Variants in CDKAL1 observed in about 807,000 individuals in gnomAD.
The protein encoded by CDKAL1 is CDKAL1 threonylcarbamoyladenosine tRNA methylthiotransferase.
CDKAL1 carries 32 observed loss-of-function variants against 68.2 expected under a neutral mutation model. The observed-to-expected ratio is 0.47, with a 90% CI of 0.35 to 0.63. CDKAL1 has a LOEUF of 0.63. Ranked by LOEUF, CDKAL1 falls within the 30% of genes least tolerant of loss-of-function variation. The probability of loss-of-function intolerance (pLI) is 0.00; values close to 1 mark genes in which losing one functional copy is unlikely to be tolerated. For synonymous variants in CDKAL1, 234 were observed against 244.3 expected (o/e 0.96, Z 0.39); for missense variants, 606 against 696.7 (o/e 0.87, Z 1.47).
At chr6:20,887,857 C>T (rs1761163783) in intron 9 of CDKAL1, among the ~76,000 whole-genome samples, 1 of 150,816 alleles carries the variant, frequency 6.6e-6, no homozygotes, top group Non-Finnish European at 1.5e-5. Context: ...GATCATAGCT[C>T]ACTGCAGCCT....
intron 13 of CDKAL1, among the ~76,000 whole-genome samples, chr6:21,167,128 G>T (rs749383796): frequency 6.6e-6 from 1 of 152,198 alleles, no homozygotes; most frequent in Admixed American, 6.5e-5. Flanking sequence ...TGGCTTGCCT[G>T]TTTGTACATC....
intron 14 of CDKAL1, among the ~76,000 whole-genome samples, chr6:21,198,421 A>C (rs904142998): frequency 6.6e-6 from 1 of 152,156 alleles, no homozygotes; most frequent in African/African-American, 2.4e-5. Flanking sequence ...CAGGGGGGAA[A>C]GTCCTGCTCA....
intron 13 of CDKAL1, among the ~76,000 whole-genome samples, chr6:21,171,264 G>C (rs1276792332): frequency 3.9e-5 from 6 of 152,060 alleles, no homozygotes; most frequent in African/African-American, 1.5e-4. Context: ...CCAGGCTGAA[G>C]TGCAGTGGTA....
chr6:21,205,830 C>CTTTTTTT lies in CDKAL1; in HGVS notation c.1548+4572_1548+4578dup, dbSNP rs34849597. Among the ~76,000 whole-genome samples the CTTTTTTT allele has an allele frequency of 6.0e-5, 4 of 66,610 alleles. 1 individual carries two copies. The highest frequency in any genetic ancestry group is 2.6e-4 in the African/African-American group (3 of 11,482). 43.7% of individuals were successfully genotyped at this position (66,610 alleles called of 152,430 possible). A position where few individuals can be genotyped will look rare whatever the true frequency, so the allele number is the denominator to read the frequency against. On this transcript the variant is annotated intron_variant, in intron 15 of 15. Coordinates refer to ENST00000274695, the MANE Select transcript of CDKAL1 (RefSeq NM_017774.3). ...ACATGCGTGAGCCCCCGCGCCCAGC[C>CTTTTTTT]TTTTTTTTTTTTTTTTTTTTTTGAG...
chr6:21,091,947 C>T (rs1464374677), intron 12 of CDKAL1, among the ~76,000 whole-genome samples: 18 of 138,670 alleles, frequency 1.3e-4, no homozygotes, highest in Admixed American at 7.6e-5. Flanking sequence ...AGTGCAGTGG[C>T]GTGATCTCGG....
In CDKAL1 at chr6:20,992,369, C is replaced by T. The variant is rs577846341; in HGVS notation, c.910-7858C>T. Among the ~76,000 whole-genome samples, 33 of 151,958 alleles carry T rather than the reference C, an allele frequency of 2.2e-4. 1 individual carries two copies. In the South Asian group the frequency reaches 6.7e-3, roughly 31 times the overall value. On this transcript the variant is annotated intron_variant, in intron 10 of 15. Coordinates refer to ENST00000274695, the MANE Select transcript of CDKAL1 (RefSeq NM_017774.3). Reference sequence around the variant, plus strand: ...AGTGTGAGCCACTTTATCCAGCCCACTTTTCTCCCATTTTTTGTCTCTGTT... The same window carrying T: ...AGTGTGAGCCACTTTATCCAGCCCATTTTTCTCCCATTTTTTGTCTCTGTT...
intron 8 of CDKAL1, among the ~76,000 whole-genome samples, chr6:20,812,600 GT>G (rs1286449690): frequency 6.6e-6 from 1 of 152,156 alleles, no homozygotes; most frequent in Non-Finnish European, 1.5e-5. Context: ...TTAGCTTGCA[GT>G]TTCTAGAGTT....
chr6:20,684,086 A>G (rs1312099984), intron 5 of CDKAL1, among the ~76,000 whole-genome samples: 4 of 152,198 alleles, frequency 2.6e-5, no homozygotes, highest in Admixed American at 6.5e-5. Flanking sequence ...AATGTACAAC[A>G]GTTTATCCAT....
At chr6:20,561,039 T>TTAAGA (rs1354203206) in intron 4 of CDKAL1, among the ~76,000 whole-genome samples, 30 of 152,328 alleles carry the variant, frequency 2.0e-4, no homozygotes, top group Admixed American at 8.5e-4. Flanking sequence ...AGTTCCTGTG[T>TTAAGA]TAAGATAATT....
chr6:20,716,760 G>T (rs1477356698), intron 5 of CDKAL1, among the ~76,000 whole-genome samples: 4 of 151,382 alleles, frequency 2.6e-5, no homozygotes, highest in Non-Finnish European at 5.9e-5. Context: ...CTAGATACCT[G>T]AGTTGATATG....
chr6:20,563,471 G>T (rs987571649), intron 4 of CDKAL1, among the ~76,000 whole-genome samples: 1 of 152,036 alleles, frequency 6.6e-6, no homozygotes, highest in Non-Finnish European at 1.5e-5. Flanking sequence ...GTAAAATCAT[G>T]TGCAAGCCAT....
At chr6:21,132,172 A>G (rs1775359293) in intron 13 of CDKAL1, among the ~76,000 whole-genome samples, 1 of 152,168 alleles carries the variant, frequency 6.6e-6, no homozygotes, top group Non-Finnish European at 1.5e-5. Context: ...AATCTTAGAG[A>G]CAGAAAGATC....
At chr6:21,045,966 CTTA>C (rs1473347748) in intron 11 of CDKAL1, among the ~76,000 whole-genome samples, 1 of 152,166 alleles carries the variant, frequency 6.6e-6, no homozygotes, top group Admixed American at 6.5e-5. Flanking sequence ...TGGGAGGCAG[CTTA>C]TTATTTCAGA....
chr6:20,861,861 T>A (rs566233097), intron 9 of CDKAL1, among the ~76,000 whole-genome samples: 2 of 152,290 alleles, frequency 1.3e-5, no homozygotes, highest in East Asian at 3.9e-4. Flanking sequence ...AATTTTAGCT[T>A]CCCAGCTGTG....
Position 20,835,210 on chromosome 6 carries a change from T to C in CDKAL1, c.639-10865T>C, listed in dbSNP as rs568001026. Among the ~76,000 whole-genome samples the C allele has an allele frequency of 1.0e-3, 158 of 152,326 alleles. 2 individuals carry two copies. Among genetic ancestry groups the C allele is most frequent in the African/African-American group, 3.5e-3 (145 of 41,572 alleles). On this transcript the variant is annotated intron_variant, in intron 8 of 15. Coordinates refer to ENST00000274695, the MANE Select transcript of CDKAL1 (RefSeq NM_017774.3). The stretch of plus-strand genomic sequence containing the variant: ...GTTCATTATCATGATTGTGGCAATG[T>C]TTCACAGATGTATTCATATGTCAAC...
intron 9 of CDKAL1, among the ~76,000 whole-genome samples, chr6:20,893,480 A>T (rs1581779387): frequency 6.6e-6 from 1 of 152,160 alleles, no homozygotes; most frequent in South Asian, 2.1e-4. Context: ...TCAGGTGGGG[A>T]GGGCCTGACT....
Position 20,539,801 on chromosome 6 carries a change from A to G in CDKAL1, c.-6+4407A>G, listed in dbSNP as rs1463349474. Among the ~76,000 whole-genome samples, 2 of 152,108 alleles carry G rather than the reference A, an allele frequency of 1.3e-5. No homozygotes were observed. The highest frequency in any genetic ancestry group is 6.6e-5 in the Admixed American group (1 of 15,262). On this transcript the variant is annotated intron_variant, in intron 2 of 15. Coordinates refer to ENST00000274695, the MANE Select transcript of CDKAL1 (RefSeq NM_017774.3). This position sits in a 1 kb window ranked among gnomAD's most constrained non-coding sequence, Gnocchi z 4.3. ...TGGAAGGGTTTGATTGAGAAGCTTGAGATGAACTTAGGTTTTAAAGGGATC... is the reference window on the plus strand; with the variant it reads ...TGGAAGGGTTTGATTGAGAAGCTTGGGATGAACTTAGGTTTTAAAGGGATC...
intron 8 of CDKAL1, among the ~76,000 whole-genome samples, chr6:20,818,017 T>A (rs1284399639): frequency 6.6e-6 from 1 of 152,150 alleles, no homozygotes; most frequent in Admixed American, 6.6e-5. Flanking sequence ...CCATCAGTCC[T>A]CTTTACCAAG....
At chr6:21,123,022 GTGTA>G (rs1404600660) in intron 13 of CDKAL1, among the ~76,000 whole-genome samples, 1 of 152,124 alleles carries the variant, frequency 6.6e-6, no homozygotes, top group East Asian at 1.9e-4. Flanking sequence ...GTATATATAT[GTGTA>G]TGTATAGATG....
Sources: gnomAD v4.1 joint callset for allele counts (sites outside exome capture counted in the v4.1 genomes callset) on GRCh38, gnomAD v4.1.1 for gene constraint, Gnocchi (gnomAD v3.1) non-coding constraint, MANE v1.5 for transcripts, NCBI Gene and HGNC (gene_info 2026-07-23, HGNC 2026-07-21) for gene names.